NRG3: variants seen among roughly 807,000 people sequenced by gnomAD.
NRG3 encodes pro-neuregulin-3, membrane-bound isoform.
A neutral mutation model predicts 66.9 loss-of-function variants in NRG3; 31 were observed. The ratio of observed to expected loss-of-function variants is 0.46; its 90% CI spans 0.35 to 0.63. The LOEUF is 0.63. NRG3 is among the 20% of genes least tolerant of loss of function. The pLI, the probability that NRG3 is intolerant of heterozygous loss-of-function variation, is 0.00. For missense variants in NRG3, 910 were observed against 878.9 expected, an observed-to-expected ratio of 1.04 and a Z score of -0.45; for synonymous variants, 393 against 359.4, an observed-to-expected ratio of 1.09 and a Z score of -1.06.
intron 3 of NRG3, among the ~76,000 whole-genome samples, chr10:82,863,381 T>G (rs1192509263): frequency 6.6e-6 from 1 of 152,216 alleles, no homozygotes; most frequent in Non-Finnish European, 1.5e-5. Context: ...TACCCAGTAA[T>G]GGGATTGCTG....
intron 2 of NRG3, among the ~76,000 whole-genome samples, chr10:82,721,821 G>A (rs956216581): frequency 1.3e-5 from 2 of 152,048 alleles, no homozygotes; most frequent in African/African-American, 4.8e-5. Flanking sequence ...CCTTACACAT[G>A]TGTTTGTGTA....
rs528875598 is a variant in NRG3, at chr10:82,894,908, C to T, written c.1054+29471C>T. Among the ~76,000 whole-genome samples the T allele has an allele frequency of 1.3e-3, 202 of 152,210 alleles. 1 individual carries two copies. Among genetic ancestry groups the T allele is most frequent in the Non-Finnish European group, 2.0e-3 (133 of 68,022 alleles). On this transcript the variant is annotated intron_variant, in intron 4 of 8. Coordinates refer to ENST00000372141, the MANE Select transcript of NRG3 (RefSeq NM_001010848.4). ...CTCTCCCTCCCCTTGCCCCCACTGC[C>T]CGACAGGCCCTGGTGTGTGATGTTC...
intron 1 of NRG3, among the ~76,000 whole-genome samples, chr10:82,047,218 A>G (rs907802950): frequency 3.3e-5 from 5 of 151,776 alleles, no homozygotes; most frequent in African/African-American, 1.2e-4. Flanking sequence ...TTTGGTTGGT[A>G]AGCTATTGAT....
intron 1 of NRG3, among the ~76,000 whole-genome samples, chr10:82,309,337 C>A (rs2080904785): frequency 6.6e-6 from 1 of 152,042 alleles, no homozygotes; most frequent in Admixed American, 6.6e-5. Context: ...TTATAAACTT[C>A]CAGGGGTGAA....
chr10:82,282,554 T>C (rs1050107746), intron 1 of NRG3, among the ~76,000 whole-genome samples: 2 of 152,192 alleles, frequency 1.3e-5, no homozygotes, highest in Admixed American at 1.3e-4. Context: ...GTCCAGCTAC[T>C]AACCAGCCAT....
chr10:82,136,253 A>T (rs1007925109), intron 1 of NRG3, among the ~76,000 whole-genome samples: 4 of 152,150 alleles, frequency 2.6e-5, no homozygotes, highest in Non-Finnish European at 4.4e-5. Flanking sequence ...AGGTGCTACC[A>T]CCATTGGAAC....
intron 2 of NRG3, among the ~76,000 whole-genome samples, chr10:82,559,283 G>A (rs1032877079): frequency 6.6e-6 from 1 of 152,022 alleles, no homozygotes; most frequent in Non-Finnish European, 1.5e-5. Flanking sequence ...ATGTATTTAG[G>A]GAATTACCTA....
chr10:82,630,658 A>G (rs1436566867), intron 2 of NRG3, among the ~76,000 whole-genome samples: 1 of 152,080 alleles, frequency 6.6e-6, no homozygotes, highest in Non-Finnish European at 1.5e-5. Flanking sequence ...AGCCTGGTTG[A>G]CAAGAGTGAA....
intron 6 of NRG3, among the ~76,000 whole-genome samples, chr10:82,967,770 A>G (rs942190508): frequency 2.0e-5 from 3 of 152,172 alleles, no homozygotes; most frequent in African/African-American, 7.2e-5. Context: ...TTCCCCTTCC[A>G]CTGGCAGAGA....
chr10:82,408,748 G>A (rs1327149882), intron 2 of NRG3, among the ~76,000 whole-genome samples: 1 of 151,180 alleles, frequency 6.6e-6, no homozygotes, highest in Non-Finnish European at 1.5e-5. Context: ...ATTTATGTAA[G>A]GTAGATACCA....
chr10:82,393,739 T>A (rs1336546800), intron 2 of NRG3, among the ~76,000 whole-genome samples: 1 of 152,170 alleles, frequency 6.6e-6, no homozygotes, highest in African/African-American at 2.4e-5. Flanking sequence ...AGACCTCTGC[T>A]CCTGGCGTAG....
At chr10:82,632,995 C>G (rs1439681996) in intron 2 of NRG3, among the ~76,000 whole-genome samples, 1 of 152,166 alleles carries the variant, frequency 6.6e-6, no homozygotes, top group Non-Finnish European at 1.5e-5. Context: ...TCATCAAGTT[C>G]TCAGGCTTGT....
Position 81,875,932 on chromosome 10 carries a change from G to GC in NRG3, c.596dup (p.Phe200ValfsTer4). The GC allele has an allele frequency of 6.2e-7, 1 of 1,613,516 alleles. No individual in the cohort carries two copies. Among genetic ancestry groups the GC allele is most frequent in the Non-Finnish European group, 8.5e-7 (1 of 1,180,006 alleles). On this transcript the variant is annotated frameshift_variant, in exon 1 of 9. Transcript: ENST00000372141. LOFTEE classifies it high-confidence loss of function. This position sits in a 1 kb window ranked among gnomAD's most constrained non-coding sequence, Gnocchi z 5.3. ...CCCTGCGACGGTCCCGTCCACCACG[G>GC]CCCCGTTCTTCAGTAGCAGCACGCT...
intron 1 of NRG3, among the ~76,000 whole-genome samples, chr10:82,077,238 T>G (rs1047766081): frequency 6.6e-6 from 1 of 152,214 alleles, no homozygotes; most frequent in Non-Finnish European, 1.5e-5. Flanking sequence ...GCACATTAGT[T>G]TTTTGAGATT....
chr10:82,961,539 G>A (rs1464145184), intron 6 of NRG3, among the ~76,000 whole-genome samples: 1 of 152,218 alleles, frequency 6.6e-6, no homozygotes, highest in African/African-American at 2.4e-5. Flanking sequence ...TTATAACTCA[G>A]TGGTTCTCAA....
intron 2 of NRG3, among the ~76,000 whole-genome samples, chr10:82,594,521 C>A (rs1028065093): frequency 6.6e-6 from 1 of 152,060 alleles, no homozygotes; most frequent in Non-Finnish European, 1.5e-5. Context: ...ATTTAAATAT[C>A]TCTATTGTTA....
intron 1 of NRG3, among the ~76,000 whole-genome samples, chr10:82,118,862 C>A (rs1022421367): frequency 2.0e-5 from 3 of 152,104 alleles, no homozygotes; most frequent in Non-Finnish European, 4.4e-5. Flanking sequence ...ATCCCATAGA[C>A]TGATCATATC....
intron 2 of NRG3, among the ~76,000 whole-genome samples, chr10:82,632,123 T>C (rs553839194): frequency 1.1e-4 from 16 of 152,092 alleles, no homozygotes; most frequent in Non-Finnish European, 1.9e-4. Flanking sequence ...AAAATAAAAA[T>C]GTAAAAAATA....
chr10:82,627,294 C>T (rs1022350130), intron 2 of NRG3, among the ~76,000 whole-genome samples: 2 of 152,010 alleles, frequency 1.3e-5, no homozygotes, highest in Non-Finnish European at 2.9e-5. Flanking sequence ...ATTATTTAAG[C>T]ATATCTTTTG....
Sources: allele counts gnomAD v4.1 joint callset (sites outside exome capture counted in the v4.1 genomes callset), GRCh38; gene constraint gnomAD v4.1.1; non-coding constraint Gnocchi (gnomAD v3.1); transcripts MANE v1.5; gene names NCBI Gene and HGNC (gene_info 2026-07-23, HGNC 2026-07-21).